The following ZNF782 variants were observed in gnomAD, a reference collection of about 807,000 sequenced individuals.
The protein encoded by ZNF782 is zinc finger protein 782.
Under a neutral mutation model 13.0 loss-of-function variants are expected in ZNF782, and 12 were observed. The ratio of observed to expected loss-of-function variants is 0.92; its 90% CI spans 0.59 to 1.50. ZNF782 has a LOEUF of 1.50. Among genes scored for constraint, ZNF782 ranks in the 40% most tolerant of loss-of-function variants. The pLI, the probability that ZNF782 is intolerant of heterozygous loss-of-function variation, is 0.00. For synonymous variants in ZNF782, 284 were observed against 283.0 expected, an observed-to-expected ratio of 1.00 and a Z score of -0.04; for missense variants, 770 against 822.9, an observed-to-expected ratio of 0.94 and a Z score of 0.79.
intron 4 of ZNF782, 90 bp from the exon 5 acceptor site, chr9:96,827,271 T>C: frequency 1.2e-6 from 1 of 846,546 alleles, no homozygotes. Context: ...AGAAGGGGCA[T>C]ATTCAGGGTG....
the ZNF782 span, among the ~76,000 whole-genome samples, chr9:96,897,061 G>C: frequency 3.0e-4 from 46 of 152,186 alleles, no homozygotes; most frequent in Non-Finnish European, 5.4e-4. Context: ...TAGGCGTGCA[G>C]AACAGCACTC....
At chr9:96,883,204 T>C in the ZNF782 span, among the ~76,000 whole-genome samples, 3 of 152,122 alleles carry the variant, frequency 2.0e-5, no homozygotes, top group Non-Finnish European at 2.9e-5. Flanking sequence ...GATGTTTTCA[T>C]GAATCCCAAA....
At chr9:96,867,893 A>G (rs1370746587) in intron 1 of ZNF782, among the ~76,000 whole-genome samples, 1 of 152,222 alleles carries the variant, frequency 6.6e-6, no homozygotes, top group Non-Finnish European at 1.5e-5. Context: ...CCAACTGCAT[A>G]GCCTTCATTT....
At chr9:96,884,715 A>C in the ZNF782 span, among the ~76,000 whole-genome samples, 1 of 152,186 alleles carries the variant, frequency 6.6e-6, no homozygotes, top group African/African-American at 2.4e-5. Flanking sequence ...CATCTGCAAC[A>C]ATGCAGTGTG....
At chr9:96,890,301 A>C in the ZNF782 span, 1 of 152,236 alleles carries the variant, frequency 6.6e-6, no homozygotes, top group African/African-American at 2.4e-5. Flanking sequence ...CAGTTCAACA[A>C]TGGTTTCTGC....
At chr9:96,888,401 A>C in the ZNF782 span, 1 of 152,260 alleles carries the variant, frequency 6.6e-6, no homozygotes, top group South Asian at 2.1e-4. Context: ...TGCATAAACC[A>C]AAACCAATAA....
chr9:96,840,885 A>T (rs148263775), intron 4 of ZNF782, among the ~76,000 whole-genome samples: 1 of 152,194 alleles, frequency 6.6e-6, no homozygotes, highest in East Asian at 1.9e-4. Flanking sequence ...TAACAGAAGC[A>T]AAAGTAAAAA....
intron 4 of ZNF782, among the ~76,000 whole-genome samples, chr9:96,835,040 G>A (rs1481353016): frequency 2.0e-5 from 3 of 152,240 alleles, no homozygotes; most frequent in Non-Finnish European, 4.4e-5. Context: ...TGGAAATGAG[G>A]AAGCATTATT....
the ZNF782 span, among the ~76,000 whole-genome samples, chr9:96,933,272 C>T: frequency 6.6e-6 from 1 of 151,832 alleles, no homozygotes; most frequent in Non-Finnish European, 1.5e-5. Flanking sequence ...CCCACCGTGC[C>T]CGGCTTTTAC....
At chr9:96,890,951 G>GA in the ZNF782 span, 2 of 152,150 alleles carry the variant, frequency 1.3e-5, no homozygotes, top group African/African-American at 4.8e-5. Flanking sequence ...TACTCCACCT[G>GA]AAAAAACAAG....
chr9:96,910,541 C>T, the ZNF782 span: 67 of 79,124 alleles, frequency 8.5e-4, no homozygotes, highest in African/African-American at 3.9e-3. Flanking sequence ...CAGTGCCACC[C>T]ACAGATGACA....
At position 96,850,351 on chromosome 9, in the gene ZNF782, A is replaced by T. The variant is rs1208864456; in HGVS notation, c.15+1596T>A. ...AAAGGAATGAAATAATGTCTTTTGC[A>T]GCAACTTGGATGGAGCTGGAGGCTG... On this transcript the variant is annotated intron_variant, in intron 3 of 5. Transcript: ENST00000481138. This position sits in a 1 kb window ranked among gnomAD's most constrained non-coding sequence, Gnocchi z 4.3. Among the ~76,000 whole-genome samples the T allele has an allele frequency of 1.3e-5, 2 of 152,232 alleles. No homozygotes were observed. Among genetic ancestry groups the T allele is most frequent in the Non-Finnish European group, 2.9e-5 (2 of 68,036 alleles).
At chr9:96,843,884 A>T (rs747317351) in intron 4 of ZNF782, among the ~76,000 whole-genome samples, 3 of 152,216 alleles carry the variant, frequency 2.0e-5, no homozygotes, top group African/African-American at 7.2e-5. Flanking sequence ...TGTAAAACAT[A>T]TATCTAATAA....
At chr9:96,846,406 T>A (rs963757057) in intron 3 of ZNF782, among the ~76,000 whole-genome samples, 1 of 151,902 alleles carries the variant, frequency 6.6e-6, no homozygotes, top group Admixed American at 6.6e-5. Context: ...CAAAACAGAT[T>A]TTAAAAAAAT....
chr9:96,832,301 T>C (rs1850831936), intron 4 of ZNF782, among the ~76,000 whole-genome samples: 1 of 152,230 alleles, frequency 6.6e-6, no homozygotes, highest in African/African-American at 2.4e-5. Context: ...ATGATAATCT[T>C]AACTATTTCA....
chr9:96,875,925 A>T (rs982168356), upstream of ZNF782, among the ~76,000 whole-genome samples: 2 of 152,164 alleles, frequency 1.3e-5, no homozygotes, highest in South Asian at 2.1e-4. Context: ...CCTTTCCTAG[A>T]GTGTGGCGCG....
chr9:96,886,891 C>CTGGCCCAGTG, the ZNF782 span, among the ~76,000 whole-genome samples: 2 of 143,342 alleles, frequency 1.4e-5, no homozygotes, highest in Non-Finnish European at 3.0e-5. Context: ...CACTGCACTC[C>CTGGCCCAGTG]AGCCTGGGCA....
chr9:96,879,107 G>A (rs1247205889), upstream of ZNF782, among the ~76,000 whole-genome samples: 2 of 152,210 alleles, frequency 1.3e-5, no homozygotes, highest in South Asian at 2.1e-4. Flanking sequence ...CCTGCTGTGT[G>A]ACAGGCATCA....
rs1258081112 is a variant in ZNF782 at position 96,854,498 on chromosome 9, TGAG to T, written c.-675_-673del. Reference sequence around the variant, plus strand: ...TTCCCGGGAGTCTCGAGAACCCAAATGAGGAGGCGGGGCTCTGGCTGCACAGGC... The same window carrying T: ...TTCCCGGGAGTCTCGAGAACCCAAATGAGGCGGGGCTCTGGCTGCACAGGC... On this transcript the variant is annotated 5_prime_UTR_variant, in exon 1 of 6. Coordinates refer to ENST00000481138, the MANE Select transcript of ZNF782 (RefSeq NM_001001662.3). The T allele has an allele frequency of 6.6e-6, 1 of 152,170 alleles. No individual in the cohort carries two copies. The highest frequency in any genetic ancestry group is 1.5e-5 in the Non-Finnish European group (1 of 68,070). 9.4% of individuals were successfully genotyped at this position (152,170 alleles called of 1,614,324 possible).
Sources: allele counts gnomAD v4.1 joint callset (sites outside exome capture counted in the v4.1 genomes callset), GRCh38; gene constraint gnomAD v4.1.1; non-coding constraint Gnocchi (gnomAD v3.1); transcripts MANE v1.5; gene names NCBI Gene and HGNC (gene_info 2026-07-23, HGNC 2026-07-21).